MIS18A: variants seen among roughly 807,000 people sequenced by gnomAD.
The protein encoded by MIS18A is MIS18 kinetochore protein A, also known as protein Mis18-alpha.
A neutral mutation model predicts 25.0 loss-of-function variants in MIS18A; 14 were observed. The observed-to-expected ratio is 0.56, with a 90% CI of 0.37 to 0.88. The LOEUF (loss-of-function observed/expected upper bound fraction) is 0.88. Among genes scored for constraint, MIS18A ranks in the 40% least tolerant of loss-of-function variants. MIS18A has a pLI of 0.00. For missense variants in MIS18A, 292 were observed against 290.8 expected, an observed-to-expected ratio of 1.00 and a Z score of -0.03; for synonymous variants, 134 against 118.6, an observed-to-expected ratio of 1.13 and a Z score of -0.84.
At chr21:32,246,451 T>C in the MIS18A span, among the ~76,000 whole-genome samples, 2 of 152,030 alleles carry the variant, frequency 1.3e-5, no homozygotes, top group African/African-American at 4.8e-5. Flanking sequence ...CTCCTCTCCT[T>C]TTGTCTTGGT....
At chr21:32,219,455 T>C in the MIS18A span, among the ~76,000 whole-genome samples, 1 of 152,178 alleles carries the variant, frequency 6.6e-6, no homozygotes, top group Admixed American at 6.5e-5. Flanking sequence ...CCAGATACTA[T>C]GCTTTTCCCA....
the MIS18A span, among the ~76,000 whole-genome samples, chr21:32,210,244 C>G: frequency 2.6e-3 from 389 of 152,296 alleles, 2 homozygotes; most frequent in African/African-American, 9.0e-3. Flanking sequence ...CTCCATCTCA[C>G]AGAATTATTG....
At chr21:32,233,636 TG>T in the MIS18A span, among the ~76,000 whole-genome samples, 1 of 152,202 alleles carries the variant, frequency 6.6e-6, no homozygotes, top group Non-Finnish European at 1.5e-5. Flanking sequence ...GCTACCATTG[TG>T]GGCATATGGA....
At chr21:32,201,150 G>C in the MIS18A span, among the ~76,000 whole-genome samples, 1 of 151,952 alleles carries the variant, frequency 6.6e-6, no homozygotes, top group Non-Finnish European at 1.5e-5. Context: ...AGAAAGAGAG[G>C]GGACAGGTAT....
chr21:32,192,167 C>T, the MIS18A span, among the ~76,000 whole-genome samples: 1 of 152,314 alleles, frequency 6.6e-6, no homozygotes, highest in Middle Eastern at 3.4e-3. Context: ...ATGCACCCCA[C>T]TCACTGTTCC....
At chr21:32,166,085 G>T in the MIS18A span, among the ~76,000 whole-genome samples, 1 of 152,096 alleles carries the variant, frequency 6.6e-6, no homozygotes, top group Non-Finnish European at 1.5e-5. Flanking sequence ...GAGTTGCCAG[G>T]GGGTGAGGGG....
chr21:32,217,510 C>A, the MIS18A span, among the ~76,000 whole-genome samples: 1 of 152,026 alleles, frequency 6.6e-6, no homozygotes, highest in Non-Finnish European at 1.5e-5. Context: ...AATTGGAATT[C>A]CAAAAGTAGT....
downstream of MIS18A, among the ~76,000 whole-genome samples, chr21:32,266,141 C>G (rs186846083): frequency 4.6e-3 from 696 of 150,108 alleles, 7 homozygotes; most frequent in African/African-American, 0.016. Flanking sequence ...CAATCAGCAC[C>G]CTGTGTTTAG....
At chr21:32,193,466 TGATAGATAGATAGGTAGATAGATAGATA>T in the MIS18A span, among the ~76,000 whole-genome samples, 4 of 142,344 alleles carry the variant, frequency 2.8e-5, no homozygotes, top group Non-Finnish European at 6.1e-5. Flanking sequence ...AATAGGTTGA[TGATAGATAGATAGGTAGATAGATAGATA>T]GATAGATAGA....
the MIS18A span, among the ~76,000 whole-genome samples, chr21:32,244,994 A>G: frequency 6.6e-6 from 1 of 152,240 alleles, no homozygotes; most frequent in African/African-American, 2.4e-5. Flanking sequence ...GCAGGAAAAA[A>G]TGGACTGTTC....
chr21:32,235,388 C>A, the MIS18A span, among the ~76,000 whole-genome samples: 2 of 152,136 alleles, frequency 1.3e-5, no homozygotes, highest in African/African-American at 4.8e-5. Context: ...GAGACCACAT[C>A]CCTACATAGC....
chr21:32,173,644 A>G, the MIS18A span, among the ~76,000 whole-genome samples: 6 of 152,316 alleles, frequency 3.9e-5, no homozygotes, highest in African/African-American at 1.4e-4. Context: ...CTTAAAAACA[A>G]TAAGTGGAAG....
chr21:32,208,289 G>C, the MIS18A span, among the ~76,000 whole-genome samples: 5 of 152,146 alleles, frequency 3.3e-5, no homozygotes, highest in African/African-American at 1.2e-4. Context: ...GGGCCTGGTG[G>C]GAGGTGACTG....
At chr21:32,273,348 A>G (rs1211132720) in intron 2 of MIS18A, among the ~76,000 whole-genome samples, 1 of 151,990 alleles carries the variant, frequency 6.6e-6, no homozygotes, top group Non-Finnish European at 1.5e-5. Flanking sequence ...GAGGTAGGAG[A>G]AGAGGTTGGG....
the MIS18A span, among the ~76,000 whole-genome samples, chr21:32,227,028 T>C: frequency 3.3e-5 from 5 of 152,062 alleles, no homozygotes; most frequent in Non-Finnish European, 4.4e-5. Flanking sequence ...ATTGAGCAGA[T>C]TGAAAACAAA....
chr21:32,185,372 G>T, the MIS18A span, among the ~76,000 whole-genome samples: 300 of 152,270 alleles, frequency 2.0e-3, 1 homozygote, highest in African/African-American at 6.7e-3. Flanking sequence ...GCAGCCCATT[G>T]GGCTCCTCCA....
the MIS18A span, among the ~76,000 whole-genome samples, chr21:32,250,925 C>T: frequency 6.6e-6 from 1 of 152,188 alleles, no homozygotes; most frequent in African/African-American, 2.4e-5. Flanking sequence ...GGAAGGGATC[C>T]AGTGGGAGGC....
In MIS18A at chr21:32,269,110, T is replaced by C; in HGVS notation, c.629A>G (p.Asp210Gly). 2.5e-6 allele frequency: 4 copies of C among 1,597,272 alleles called. No homozygotes were observed. Among genetic ancestry groups the C allele is most frequent in the Non-Finnish European group, 3.4e-6 (4 of 1,170,300 alleles). ...CTTCATTTGTAATGCTTTCAAGACA[T>C]CTTCCATCTATTGAATTTAAAAAAT... ...EIEKSLTQMEDVLKALQMKLW... is the reference protein window; with the variant it reads ...EIEKSLTQMEGVLKALQMKLW... Residue 210 changes from aspartate (D) to glycine (G), a missense_variant, in exon 5 of 5, where the codon GAT becomes GGT. By Grantham distance (94) the Asp-to-Gly change is moderately conservative (BLOSUM62 -1). Coordinates refer to ENST00000290130, the MANE Select transcript of MIS18A (RefSeq NM_018944.3).
the MIS18A span, among the ~76,000 whole-genome samples, chr21:32,255,634 A>G: frequency 1.3e-5 from 2 of 150,854 alleles, no homozygotes; most frequent in Non-Finnish European, 1.5e-5. Flanking sequence ...TCACGCCTGT[A>G]ATCCCAGCAC....
Sources: allele counts gnomAD v4.1 joint callset (sites outside exome capture counted in the v4.1 genomes callset), GRCh38; gene constraint gnomAD v4.1.1; transcripts MANE v1.5; gene names NCBI Gene and HGNC (gene_info 2026-07-23, HGNC 2026-07-21).